The following IL1RAP variants were observed in gnomAD, a reference collection of about 807,000 sequenced individuals.
IL1RAP encodes the protein interleukin-1 receptor accessory protein.
A neutral mutation model predicts 60.7 loss-of-function variants in IL1RAP; 35 were observed. That is an observed-to-expected ratio of 0.58 (90% CI 0.44 to 0.76). The LOEUF is 0.76. Ranked by LOEUF, IL1RAP falls within the 30% of genes least tolerant of loss-of-function variation. The pLI, the probability that IL1RAP is intolerant of heterozygous loss-of-function variation, is 0.00. For missense variants in IL1RAP, 572 were observed against 693.9 expected, an observed-to-expected ratio of 0.82 and a Z score of 1.97; for synonymous variants, 268 against 250.9, an observed-to-expected ratio of 1.07 and a Z score of -0.64.
At chr3:190,562,694 C>CCATACACACA (rs368495405) in intron 2 of IL1RAP, among the ~76,000 whole-genome samples, 6 of 146,640 alleles carry the variant, frequency 4.1e-5, no homozygotes, top group South Asian at 4.4e-4. Flanking sequence ...CATATCTCGT[C>CCATACACACA]CACACACACA....
intron 1 of IL1RAP, among the ~76,000 whole-genome samples, chr3:190,514,464 C>T (rs968536990): frequency 7.2e-5 from 11 of 152,184 alleles, no homozygotes; most frequent in Non-Finnish European, 1.3e-4. Flanking sequence ...TGTGGGACGT[C>T]TGCTCGTTGC....
At chr3:190,570,224 A>G (rs930145482) in intron 3 of IL1RAP, among the ~76,000 whole-genome samples, 3 of 152,222 alleles carry the variant, frequency 2.0e-5, no homozygotes, top group Non-Finnish European at 4.4e-5. Flanking sequence ...CCTTCAAGTT[A>G]CCTGCTATCC....
downstream of IL1RAP, chr3:190,656,442 C>G (rs1018760157): frequency 6.5e-7 from 1 of 1,537,228 alleles, no homozygotes; most frequent in African/African-American, 1.4e-5. Context: ...AGATTCATAA[C>G]CAGCCCCAGT....
At chr3:190,633,976 T>G (rs2108830395) in intron 9 of IL1RAP, among the ~76,000 whole-genome samples, 1 of 152,364 alleles carries the variant, frequency 6.6e-6, no homozygotes, top group Middle Eastern at 3.4e-3. Flanking sequence ...CCTTCAGGTT[T>G]TTATATACAG....
intron 6 of IL1RAP, among the ~76,000 whole-genome samples, chr3:190,620,963 A>G (rs1227728176): frequency 1.3e-5 from 2 of 152,188 alleles, no homozygotes; most frequent in East Asian, 3.8e-4. Flanking sequence ...AATAATGTTC[A>G]ACCATTATTT....
intron 1 of IL1RAP, among the ~76,000 whole-genome samples, chr3:190,529,999 T>C (rs973511624): frequency 6.6e-6 from 1 of 152,152 alleles, no homozygotes; most frequent in Non-Finnish European, 1.5e-5. Flanking sequence ...CTGAATAAAG[T>C]TCTCTATGGG....
In IL1RAP at chr3:190,649,686, A is replaced by C; in HGVS notation, c.*981A>C. 7.1e-6 allele frequency: 7 copies of C among 985,852 alleles called. No homozygotes were observed. Among genetic ancestry groups the C allele is most frequent in the Non-Finnish European group, 8.4e-6 (7 of 829,908 alleles). 61.1% of individuals were successfully genotyped at this position (985,852 alleles called of 1,614,324 possible). ...ACTCGTTTTTGTTGCTCCATTGTAAAGGGCGGAGGTCAGTCTTAGTGGCCT... is the reference window on the plus strand; with the variant it reads ...ACTCGTTTTTGTTGCTCCATTGTAACGGGCGGAGGTCAGTCTTAGTGGCCT... On this transcript the variant is annotated 3_prime_UTR_variant, in exon 12 of 12. Coordinates refer to ENST00000447382, the MANE Select transcript of IL1RAP (RefSeq NM_002182.4).
rs150192082 is a variant in IL1RAP at position 190,628,676 on chromosome 3, A to G, written c.903-674A>G. On this transcript the variant is annotated intron_variant, in intron 8 of 11. Coordinates refer to ENST00000447382, the MANE Select transcript of IL1RAP (RefSeq NM_002182.4). ...GTGTTCATAACAGCTTTCTCTTTTT[A>G]TATGTTAGGATTTAACCATGAGATT... 1.5e-3 allele frequency among the ~76,000 whole-genome samples: 228 copies of G among 152,294 alleles called. 2 individuals carry two copies. Among genetic ancestry groups the G allele is most frequent in the African/African-American group, 5.4e-3 (224 of 41,578 alleles).
At chr3:190,631,660 C>A (rs1732799027) in intron 9 of IL1RAP, among the ~76,000 whole-genome samples, 2 of 152,152 alleles carry the variant, frequency 1.3e-5, no homozygotes, top group African/African-American at 4.8e-5. Flanking sequence ...CTCAAAAGGA[C>A]ATCAAGAAAA....
rs543322363 is a variant in IL1RAP, at chr3:190,602,879, G to A, written c.65-1249G>A. On this transcript the variant is annotated intron_variant, in intron 3 of 11. Transcript: ENST00000447382. ...GACATGAGGAAAAAACTACTTTAAG[G>A]TGATGGTTTTGTGGTCCGCAGGACT... 4.6e-5 allele frequency among the ~76,000 whole-genome samples: 7 copies of A among 152,252 alleles called. No individual in the cohort carries two copies. The South Asian group carries it at 1.5e-3, about 32-fold the overall frequency.
chr3:190,538,337 C>T (rs1359462534), intron 1 of IL1RAP, among the ~76,000 whole-genome samples: 2 of 152,132 alleles, frequency 1.3e-5, no homozygotes. Context: ...TCCAGATTCT[C>T]CTTATGCATG....
intron 5 of IL1RAP, among the ~76,000 whole-genome samples, chr3:190,609,771 T>A (rs6778019): frequency 0.65 from 98,956 of 152,128 alleles, 33,477 homozygotes; most frequent in East Asian, 0.82. Context: ...ACTCAGTGAC[T>A]AGTTATCCAT....
At chr3:190,623,455 T>G in intron 7 of IL1RAP, 40 bp downstream of exon 7, 1 of 1,325,178 alleles carries the variant, frequency 7.5e-7, no homozygotes, top group Non-Finnish European at 1.1e-6. Context: ...TTAGATTCTC[T>G]TAATTACAAG....
chr3:190,577,360 A>C (rs1413224428), intron 3 of IL1RAP, among the ~76,000 whole-genome samples: 3 of 152,130 alleles, frequency 2.0e-5, no homozygotes, highest in Non-Finnish European at 4.4e-5. Context: ...TTCAATTTTT[A>C]GGAAGCTTTT....
chr3:190,652,149 G>A (rs1189528272), downstream of IL1RAP, among the ~76,000 whole-genome samples: 1 of 152,068 alleles, frequency 6.6e-6, no homozygotes, highest in Non-Finnish European at 1.5e-5. Flanking sequence ...CATAGTGACA[G>A]GGATGCCTTT....
chr3:190,577,371 G>C (rs182944715), intron 3 of IL1RAP, among the ~76,000 whole-genome samples: 8 of 152,230 alleles, frequency 5.3e-5, no homozygotes, highest in Non-Finnish European at 1.2e-4. Flanking sequence ...GGAAGCTTTT[G>C]AGTCATTTGT....
At chr3:190,615,784 C>G (rs1207364420) in intron 5 of IL1RAP, among the ~76,000 whole-genome samples, 2 of 152,122 alleles carry the variant, frequency 1.3e-5, no homozygotes, top group Non-Finnish European at 2.9e-5. Flanking sequence ...CTCTTCCAGA[C>G]TAAGTGCTAT....
chr3:190,546,735 T>C (rs975680750), intron 1 of IL1RAP, among the ~76,000 whole-genome samples: 1 of 152,226 alleles, frequency 6.6e-6, no homozygotes, highest in Non-Finnish European at 1.5e-5. Flanking sequence ...ATTAAAATAA[T>C]AGGCTTTTAA....
intron 3 of IL1RAP, chr3:190,564,694 T>C (rs145222842): frequency 4.3e-5 from 10 of 232,080 alleles, no homozygotes; most frequent in Non-Finnish European, 7.8e-5. Context: ...GCACAATCTG[T>C]TTTTCAAATT....
Sources: gnomAD v4.1 joint callset for allele counts (sites outside exome capture counted in the v4.1 genomes callset) on GRCh38, gnomAD v4.1.1 for gene constraint, MANE v1.5 for transcripts, NCBI Gene and HGNC (gene_info 2026-07-23, HGNC 2026-07-21) for gene names.